The following NUFIP1 variants were observed in gnomAD, a reference collection of about 807,000 sequenced individuals.
NUFIP1 encodes the protein FMR1-interacting protein NUFIP1.
NUFIP1 carries 38 observed loss-of-function variants against 56.2 expected under a neutral mutation model. That is an observed-to-expected ratio of 0.68 (90% CI 0.52 to 0.89). The LOEUF is 0.89. Among genes scored for constraint, NUFIP1 ranks in the 40% least tolerant of loss-of-function variants. The probability of loss-of-function intolerance (pLI) is 0.00; values close to 1 mark genes in which losing one functional copy is unlikely to be tolerated. For missense variants in NUFIP1, 567 were observed against 605.8 expected, an observed-to-expected ratio of 0.94 and a Z score of 0.67; for synonymous variants, 215 against 212.4, an observed-to-expected ratio of 1.01 and a Z score of -0.10.
Position 44,989,071 on chromosome 13 carries a change from C to T in NUFIP1, c.366G>A (p.Gln122=). 6.2e-7 allele frequency: 1 copy of T among 1,614,212 alleles called. No individual in the cohort carries two copies. The highest frequency in any genetic ancestry group is 8.5e-7 in the Non-Finnish European group (1 of 1,180,036). The part of the protein sequence containing the change: ...FHASTSWYWR[Q]SSDRFPRHQK... ...GATGCCGAGGAAACCTATCAGAAGA[C>T]TGTCTCCAATACCACGATGTGGAAG... Residue 122 remains glutamine, a synonymous_variant, in exon 1 of 10, where the codon CAG becomes CAA. Coordinates refer to ENST00000379161, the MANE Select transcript of NUFIP1 (RefSeq NM_012345.3).
intron 5 of NUFIP1, among the ~76,000 whole-genome samples, chr13:44,972,110 C>T (rs1871825747): frequency 6.6e-6 from 1 of 152,154 alleles, no homozygotes; most frequent in African/African-American, 2.4e-5. Context: ...GGCAGTTTCT[C>T]ATAAAGTTAA....
chr13:44,958,954 A>G (rs1871331240), intron 7 of NUFIP1, among the ~76,000 whole-genome samples: 2 of 152,234 alleles, frequency 1.3e-5, no homozygotes, highest in Non-Finnish European at 2.9e-5. Flanking sequence ...AACATAATGA[A>G]TTAGTATTTT....
intron 7 of NUFIP1, among the ~76,000 whole-genome samples, chr13:44,954,947 A>C (rs193278110): frequency 5.8e-4 from 88 of 152,376 alleles, no homozygotes; most frequent in Non-Finnish European, 1.2e-3. Context: ...ATGACTAATA[A>C]GTTGGGTTGC....
chr13:44,964,198 A>AAC, intron 6 of NUFIP1, among the ~76,000 whole-genome samples: 1 of 152,328 alleles, frequency 6.6e-6, no homozygotes, highest in African/African-American at 2.4e-5. Context: ...TTTAAGGCAG[A>AAC]ACACACACAG....
At chr13:44,977,402 G>A (rs527472902) in intron 5 of NUFIP1, among the ~76,000 whole-genome samples, 1 of 152,272 alleles carries the variant, frequency 6.6e-6, no homozygotes, top group South Asian at 2.1e-4. Flanking sequence ...AATCAACTAC[G>A]TCACTAAGCA....
intron 5 of NUFIP1, among the ~76,000 whole-genome samples, chr13:44,968,694 T>G: frequency 6.6e-6 from 1 of 152,296 alleles, no homozygotes; most frequent in East Asian, 1.9e-4. Flanking sequence ...ATTCTCAAAT[T>G]TACTTATTAC....
intron 6 of NUFIP1, among the ~76,000 whole-genome samples, chr13:44,960,430 G>T (rs1336552108): frequency 2.6e-5 from 4 of 150,986 alleles, no homozygotes; most frequent in Non-Finnish European, 5.9e-5. Flanking sequence ...CATCAGCCCG[G>T]CTAATTTTTG....
At chr13:44,944,316 T>G (rs1377942863) in intron 8 of NUFIP1, among the ~76,000 whole-genome samples, 1 of 152,104 alleles carries the variant, frequency 6.6e-6, no homozygotes, top group African/African-American at 2.4e-5. Flanking sequence ...TCTGTATTAA[T>G]GTCAGACAAA....
Position 44,965,866 on chromosome 13 carries a change from C to T in NUFIP1, c.805G>A (p.Val269Ile). 1 of 1,599,614 alleles carries T rather than the reference C, an allele frequency of 6.3e-7. No individual in the cohort carries two copies. Among genetic ancestry groups the T allele is most frequent in the Non-Finnish European group, 8.5e-7 (1 of 1,174,158 alleles). Reference sequence around the variant, plus strand: ...TACCCATATTGTGTTGTTGTCAATACTGCTCCTCTCTTCTCCTTTTCAAGT... The same window carrying T: ...TACCCATATTGTGTTGTTGTCAATATTGCTCCTCTCTTCTCCTTTTCAAGT... ...LKLEKEKRGA[V>I]LTTTQYGKMK... The change falls in exon 6 of 10, where the codon GTA becomes ATA. Residue 269 changes from valine to isoleucine, a missense_variant. Physicochemically the swap from Val to Ile is conservative, Grantham distance 29. Coordinates refer to ENST00000379161, the MANE Select transcript of NUFIP1 (RefSeq NM_012345.3).
chr13:44,949,073 G>A (rs1025118179), intron 8 of NUFIP1, among the ~76,000 whole-genome samples: 1 of 151,894 alleles, frequency 6.6e-6, no homozygotes, highest in South Asian at 2.1e-4. Context: ...CTATAAACAC[G>A]TTATAACAAG....
intron 8 of NUFIP1, among the ~76,000 whole-genome samples, chr13:44,947,630 G>A (rs1870943101): frequency 6.6e-6 from 1 of 152,060 alleles, no homozygotes; most frequent in Admixed American, 6.6e-5. Context: ...TTAAAATGAT[G>A]GCAGTCTCAA....
chr13:44,969,413 G>A (rs772873658), intron 5 of NUFIP1, among the ~76,000 whole-genome samples: 50 of 152,168 alleles, frequency 3.3e-4, no homozygotes, highest in Admixed American at 5.9e-4. Context: ...AAAGACTATT[G>A]AAAAAACATA....
At chr13:44,941,466 G>T (rs1343192106) in intron 9 of NUFIP1, 144 bp from the exon 10 acceptor site, 3 of 537,410 alleles carry the variant, frequency 5.6e-6, no homozygotes, top group Non-Finnish European at 1.0e-5. Context: ...GCTAAAAAAC[G>T]ATGCAAGAAC....
rs563518020 is a variant in NUFIP1, at chr13:44,940,076, C to A, written c.*1130G>T. ...TATTTGTATACCTTTAATATAGGCA[C>A]AATAGAGGTACAAAGAGTAAGCACT... On this transcript the variant is annotated 3_prime_UTR_variant, in exon 10 of 10. Coordinates refer to ENST00000379161, the MANE Select transcript of NUFIP1 (RefSeq NM_012345.3). The A allele has an allele frequency of 9.3e-4, 141 of 152,118 alleles. No individual in the cohort carries two copies. The highest frequency in any genetic ancestry group is 3.3e-3 in the African/African-American group (135 of 41,474). 9.4% of individuals were successfully genotyped at this position (152,118 alleles called of 1,614,324 possible). A position where few individuals can be genotyped will look rare whatever the true frequency, so the allele number is the denominator to read the frequency against.
At chr13:44,961,052 G>GAA (rs975537873) in intron 6 of NUFIP1, among the ~76,000 whole-genome samples, 12 of 53,542 alleles carry the variant, frequency 2.2e-4, no homozygotes, top group Admixed American at 8.0e-4. Context: ...TCTGTCTCCA[G>GAA]AAAAAAAAAA....
At chr13:44,942,241 T>A (rs1870765799) in intron 9 of NUFIP1, among the ~76,000 whole-genome samples, 1 of 152,230 alleles carries the variant, frequency 6.6e-6, no homozygotes, top group Admixed American at 6.5e-5. Flanking sequence ...TTTTTGTGCT[T>A]ATTGTAATTA....
At chr13:44,980,033 A>G (rs1165822056) in intron 3 of NUFIP1, 81 bp from the exon 4 acceptor site, 25 of 990,080 alleles carry the variant, frequency 2.5e-5, no homozygotes, top group Non-Finnish European at 3.7e-5. Flanking sequence ...ATACACAGAC[A>G]TATTCTGGCT....
At chr13:44,974,557 G>C (rs1247790342) in intron 5 of NUFIP1, among the ~76,000 whole-genome samples, 1 of 152,188 alleles carries the variant, frequency 6.6e-6, no homozygotes, top group African/African-American at 2.4e-5. Flanking sequence ...AATTTGTTTT[G>C]TTTTGTTTTT....
intron 5 of NUFIP1, among the ~76,000 whole-genome samples, chr13:44,971,176 T>C (rs1386751404): frequency 1.3e-5 from 2 of 152,112 alleles, no homozygotes; most frequent in African/African-American, 2.4e-5. Context: ...TCAGATGAAC[T>C]CACCCAGTGC....
Sources: gnomAD v4.1 joint callset for allele counts (sites outside exome capture counted in the v4.1 genomes callset) on GRCh38, gnomAD v4.1.1 for gene constraint, MANE v1.5 for transcripts, NCBI Gene and HGNC (gene_info 2026-07-23, HGNC 2026-07-21) for gene names.